NWD2: variants seen among roughly 807,000 people sequenced by gnomAD.
The protein encoded by NWD2 is NACHT and WD repeat domain containing 2, also known as NACHT and WD repeat domain-containing protein 2.
Under a neutral mutation model 132.7 loss-of-function variants are expected in NWD2, and 37 were observed. The observed-to-expected ratio is 0.28, with a 90% CI of 0.21 to 0.37. The LOEUF is 0.37. NWD2 is among the 10% of genes least tolerant of loss of function. The pLI, the probability that NWD2 is intolerant of heterozygous loss-of-function variation, is 1.00. For missense variants in NWD2, 1,592 were observed against 2,122.4 expected (o/e 0.75, Z 4.91); for synonymous variants, 705 against 803.0 (o/e 0.88, Z 2.06).
intron 2 of NWD2, among the ~76,000 whole-genome samples, chr4:37,329,627 T>G (rs1180392740): frequency 1.3e-5 from 2 of 151,532 alleles, no homozygotes; most frequent in African/African-American, 2.4e-5. Flanking sequence ...AAAAAAAAAT[T>G]AGAACAGTAA....
intron 3 of NWD2, among the ~76,000 whole-genome samples, chr4:37,408,010 C>A (rs2109317940): frequency 6.6e-6 from 1 of 152,312 alleles, no homozygotes; most frequent in South Asian, 2.1e-4. Context: ...CTGCACTTGT[C>A]CCATGGTCTT....
intron 1 of NWD2, among the ~76,000 whole-genome samples, chr4:37,288,162 G>C (rs897977081): frequency 6.6e-6 from 1 of 152,176 alleles, no homozygotes; most frequent in Admixed American, 6.5e-5. Context: ...GCCTCTTAGG[G>C]GTTGAAGGGA....
chr4:37,284,603 G>T (rs963992407), intron 1 of NWD2, among the ~76,000 whole-genome samples: 4 of 152,276 alleles, frequency 2.6e-5, no homozygotes, highest in African/African-American at 9.6e-5. Flanking sequence ...CTCTTCTATG[G>T]CCCATTTGCA....
chr4:37,330,250 GT>G (rs1355100604), intron 2 of NWD2, among the ~76,000 whole-genome samples: 3 of 152,090 alleles, frequency 2.0e-5, no homozygotes, highest in African/African-American at 7.2e-5. Flanking sequence ...ACATATATAG[GT>G]TGATTACTCA....
intron 2 of NWD2, 23 bp from the exon 3 acceptor site, chr4:37,356,343 G>T (rs1429313516): frequency 7.7e-7 from 1 of 1,290,576 alleles, no homozygotes; most frequent in East Asian, 2.6e-5. Context: ...GTAAACTAAT[G>T]CTCTTCATCC....
chr4:37,408,861 C>A (rs1577694087), intron 3 of NWD2, among the ~76,000 whole-genome samples: 1 of 152,162 alleles, frequency 6.6e-6, no homozygotes, highest in Admixed American at 6.5e-5. Context: ...TGTTCTGCAG[C>A]CTCCACTAGT....
At chr4:37,259,534 G>T (rs779692719) in intron 1 of NWD2, among the ~76,000 whole-genome samples, 6 of 152,116 alleles carry the variant, frequency 3.9e-5, no homozygotes, top group African/African-American at 1.4e-4. Flanking sequence ...GGACAGCAGG[G>T]CCCACTTTAG....
At position 37,444,604 on chromosome 4, in the gene NWD2, A is replaced by G. The variant is rs1182668304; in HGVS notation, c.2616A>G (p.Lys872=). The G allele has an allele frequency of 5.8e-6, 9 of 1,551,930 alleles. No individual in the cohort carries two copies. The African/African-American group carries it at 1.1e-4, about 19-fold the overall frequency. ...TGATCAAAATTGGCCAGTTTGACAA[A>G]GTGCTTTCAGACATTGAGCTGGCTT... ...YTMIKIGQFD[K]VLSDIELAYN... is the part of the protein sequence containing the mutation. The change falls in exon 7 of 7, where the codon AAA becomes AAG. Residue 872 remains lysine, a synonymous_variant. Coordinates refer to ENST00000309447, the MANE Select transcript of NWD2 (RefSeq NM_001144990.2). This position sits in a 1 kb window ranked among gnomAD's most constrained non-coding sequence, Gnocchi z 4.8.
At chr4:37,361,852 G>A (rs1672054158) in intron 3 of NWD2, among the ~76,000 whole-genome samples, 1 of 151,978 alleles carries the variant, frequency 6.6e-6, no homozygotes, top group Admixed American at 6.6e-5. Context: ...GAAATAAAAG[G>A]CATCCAAATA....
chr4:37,295,414 G>C (rs990620254), intron 1 of NWD2, among the ~76,000 whole-genome samples: 2 of 152,168 alleles, frequency 1.3e-5, no homozygotes, highest in African/African-American at 4.8e-5. Flanking sequence ...TTCATTTGTA[G>C]TTGAAATCAT....
chr4:37,373,333 C>T (rs1465304379), intron 3 of NWD2, among the ~76,000 whole-genome samples: 1 of 152,184 alleles, frequency 6.6e-6, no homozygotes, highest in Non-Finnish European at 1.5e-5. Context: ...ATTACCATTA[C>T]CCACCCTTTG....
intron 3 of NWD2, among the ~76,000 whole-genome samples, chr4:37,399,846 C>T (rs1720868350): frequency 6.6e-6 from 1 of 152,226 alleles, no homozygotes; most frequent in Non-Finnish European, 1.5e-5. Context: ...TGCCTGTCCT[C>T]ATTCCAGAAC....
rs1553897366 is a variant in NWD2, at chr4:37,394,807, T to TGG, written c.358-35765_358-35764insGG. Among the ~76,000 whole-genome samples, 20 of 69,694 alleles carry TGG rather than the reference T, an allele frequency of 2.9e-4. 1 individual carries two copies. The highest frequency in any genetic ancestry group is 5.3e-4 in the Non-Finnish European group (16 of 30,170). The allele number at this position is 69,694 out of a possible 152,430, so 45.7% of individuals were successfully genotyped here. The stretch of plus-strand genomic sequence containing the variant: ...TATAGTGAACCTTTATGGTTTTTTT[T>TGG]TTTTTTTTTTTTTTTTTTTTTGAGG... On this transcript the variant is annotated intron_variant, in intron 3 of 6. Transcript: ENST00000309447.
intron 1 of NWD2, among the ~76,000 whole-genome samples, chr4:37,304,798 A>G (rs1303593662): frequency 1.3e-5 from 2 of 152,186 alleles, no homozygotes; most frequent in African/African-American, 4.8e-5. Context: ...TGTCTGTGGC[A>G]TTTCCAGGTG....
chr4:37,355,170 A>T (rs1170831691), intron 2 of NWD2, among the ~76,000 whole-genome samples: 2 of 152,172 alleles, frequency 1.3e-5, no homozygotes, highest in Non-Finnish European at 1.5e-5. Flanking sequence ...GAGGCTCTCA[A>T]ATTGGATAAT....
Position 37,327,259 on chromosome 4 carries a change from G to A in NWD2, c.240+1235G>A, listed in dbSNP as rs201861758. ...TGCATCATTTTTGTCAACAGGGGAA[G>A]TCAGTGAGCTATAGGACAGCTTCTA... On this transcript the variant is annotated intron_variant, in intron 2 of 6. Transcript: ENST00000309447. 5.3e-5 allele frequency among the ~76,000 whole-genome samples: 8 copies of A among 152,282 alleles called. No homozygotes were observed. The East Asian group carries it at 1.2e-3, about 22-fold the overall frequency.
chr4:37,326,105 T>A, intron 2 of NWD2, 81 bp downstream of exon 2: 1 of 924,838 alleles, frequency 1.1e-6, no homozygotes, highest in Non-Finnish European at 1.6e-6. Flanking sequence ...TTGAGTGTTG[T>A]AAAAGACAAG....
intron 2 of NWD2, among the ~76,000 whole-genome samples, chr4:37,327,497 A>G (rs1333386481): frequency 6.6e-6 from 1 of 152,138 alleles, no homozygotes; most frequent in South Asian, 2.1e-4. Context: ...GGCAGGGAAG[A>G]TGTAAAATTG....
At chr4:37,257,694 C>T (rs1043005888) in intron 1 of NWD2, among the ~76,000 whole-genome samples, 4 of 152,106 alleles carry the variant, frequency 2.6e-5, no homozygotes, top group Non-Finnish European at 5.9e-5. Flanking sequence ...AATCATGCCA[C>T]CTATATGATC....
Sources: allele counts gnomAD v4.1 joint callset (sites outside exome capture counted in the v4.1 genomes callset), GRCh38; gene constraint gnomAD v4.1.1; non-coding constraint Gnocchi (gnomAD v3.1); transcripts MANE v1.5; gene names NCBI Gene and HGNC (gene_info 2026-07-23, HGNC 2026-07-21).